DOK6: variants seen among roughly 807,000 people sequenced by gnomAD.
DOK6 encodes the protein docking protein 6.
DOK6 carries 22 observed loss-of-function variants against 44.0 expected under a neutral mutation model. That is an observed-to-expected ratio of 0.50 (90% confidence interval 0.36 to 0.71). The LOEUF (loss-of-function observed/expected upper bound fraction) is 0.71, where lower values mean the gene tolerates loss of function less well. Among genes scored for constraint, DOK6 ranks in the 30% least tolerant of loss-of-function variants. The pLI, the probability that DOK6 is intolerant of heterozygous loss-of-function variation, is 0.00. For synonymous variants in DOK6, 166 were observed against 145.5 expected (o/e 1.14, Z -1.01); for missense variants, 340 against 416.4 (o/e 0.82, Z 1.60).
intron 1 of DOK6, among the ~76,000 whole-genome samples, chr18:69,454,647 T>G (rs1979569508): frequency 8.5e-6 from 1 of 117,990 alleles, no homozygotes; most frequent in Non-Finnish European, 1.8e-5. Context: ...TAGCAAAGAC[T>G]TGGAACCAAC....
At chr18:69,816,473 A>C (rs896165589) in intron 7 of DOK6, among the ~76,000 whole-genome samples, 1 of 152,218 alleles carries the variant, frequency 6.6e-6, no homozygotes, top group African/African-American at 2.4e-5. Flanking sequence ...AAAACAGATT[A>C]GCAGTAAAGA....
chr18:69,705,974 A>T (rs1568339353), intron 5 of DOK6, among the ~76,000 whole-genome samples: 1 of 152,152 alleles, frequency 6.6e-6, no homozygotes, highest in Non-Finnish European at 1.5e-5. Flanking sequence ...CAGAGGGAGA[A>T]TACCACCCTT....
At chr18:69,493,767 T>G (rs1980804721) in intron 1 of DOK6, among the ~76,000 whole-genome samples, 1 of 152,228 alleles carries the variant, frequency 6.6e-6, no homozygotes, top group African/African-American at 2.4e-5. Flanking sequence ...GGAAATAAAT[T>G]TTTGTGGCTT....
At chr18:69,403,980 T>G (rs1916150393) in intron 1 of DOK6, among the ~76,000 whole-genome samples, 1 of 152,220 alleles carries the variant, frequency 6.6e-6, no homozygotes, top group East Asian at 1.9e-4. Flanking sequence ...TGTCCAAAAC[T>G]AAATTTCAAA....
At chr18:69,745,658 A>G (rs10871655) in intron 6 of DOK6, among the ~76,000 whole-genome samples, 106,872 of 152,040 alleles carry the variant, frequency 0.7, 39,560 homozygotes, top group East Asian at 0.85. Context: ...CAGGGAGACT[A>G]CAACAGAGCT....
intron 1 of DOK6, among the ~76,000 whole-genome samples, chr18:69,476,682 C>G (rs891286869): frequency 6.6e-6 from 1 of 152,204 alleles, no homozygotes; most frequent in African/African-American, 2.4e-5. Flanking sequence ...GGCCACCCAT[C>G]AGGAACTGGG....
intron 5 of DOK6, among the ~76,000 whole-genome samples, chr18:69,703,969 A>T (rs1022273866): frequency 2.0e-5 from 3 of 152,200 alleles, no homozygotes; most frequent in African/African-American, 4.8e-5. Flanking sequence ...CTTCTCTGCC[A>T]TGCGGAGGAA....
chr18:69,757,927 A>G, intron 7 of DOK6, 54 bp downstream of exon 7: 1 of 1,464,380 alleles, frequency 6.8e-7, no homozygotes, highest in Non-Finnish European at 9.6e-7. Context: ...CTCCAGGTGG[A>G]CTGAGTCATG....
chr18:69,788,993 T>C (rs1980514529), intron 7 of DOK6, among the ~76,000 whole-genome samples: 1 of 152,176 alleles, frequency 6.6e-6, no homozygotes, highest in African/African-American at 2.4e-5. Flanking sequence ...CAATAAACAG[T>C]TCCTTAAAAC....
chr18:69,444,552 T>C (rs1979225009), intron 1 of DOK6, among the ~76,000 whole-genome samples: 1 of 152,164 alleles, frequency 6.6e-6, no homozygotes, highest in Non-Finnish European at 1.5e-5. Context: ...TATTGCTGTC[T>C]CCTTAGTGCC....
At chr18:69,646,788 C>T (rs1303737631) in intron 3 of DOK6, among the ~76,000 whole-genome samples, 2 of 152,140 alleles carry the variant, frequency 1.3e-5, no homozygotes, top group African/African-American at 4.8e-5. Flanking sequence ...CAAGACTCTT[C>T]CTTTTGATTC....
intron 3 of DOK6, among the ~76,000 whole-genome samples, chr18:69,648,357 C>T (rs4419151): frequency 0.12 from 17,741 of 152,118 alleles, 1,144 homozygotes; most frequent in Admixed American, 0.18. Context: ...CATTTTCTAA[C>T]CTGTACACCA....
At chr18:69,668,185 A>G (rs1015566997) in intron 3 of DOK6, among the ~76,000 whole-genome samples, 1 of 151,974 alleles carries the variant, frequency 6.6e-6, no homozygotes, top group Non-Finnish European at 1.5e-5. Context: ...CATCGCCACC[A>G]TTCCCCACTC....
At chr18:69,586,845 C>T (rs1983513346) in intron 2 of DOK6, among the ~76,000 whole-genome samples, 1 of 152,166 alleles carries the variant, frequency 6.6e-6, no homozygotes, top group Non-Finnish European at 1.5e-5. Flanking sequence ...ACAGGCTGCC[C>T]ATCAATCACC....
chr18:69,590,156 GTAAA>G (rs573018125), intron 2 of DOK6, among the ~76,000 whole-genome samples: 78 of 152,052 alleles, frequency 5.1e-4, no homozygotes, highest in Non-Finnish European at 8.8e-4. Flanking sequence ...AAATGAATAA[GTAAA>G]TAAATCCTAT....
chr18:69,563,905 T>A (rs1982904824), intron 1 of DOK6, among the ~76,000 whole-genome samples: 1 of 152,194 alleles, frequency 6.6e-6, no homozygotes, highest in Non-Finnish European at 1.5e-5. Flanking sequence ...CATTTCACTA[T>A]GAGTATTAAA....
chr18:69,835,961 A>G (rs1215038547), intron 7 of DOK6, among the ~76,000 whole-genome samples: 1 of 152,208 alleles, frequency 6.6e-6, no homozygotes, highest in African/African-American at 2.4e-5. Context: ...CCTTCATAGT[A>G]TATATCAAGA....
At chr18:69,470,855 C>G (rs1414530068) in intron 1 of DOK6, among the ~76,000 whole-genome samples, 1 of 152,178 alleles carries the variant, frequency 6.6e-6, no homozygotes, top group Non-Finnish European at 1.5e-5. Flanking sequence ...ATAAAGCAGT[C>G]AGGTCCTGTT....
intron 2 of DOK6, among the ~76,000 whole-genome samples, chr18:69,575,263 T>C (rs954185826): frequency 7.2e-5 from 11 of 152,106 alleles, no homozygotes; most frequent in African/African-American, 2.7e-4. Context: ...TTTTCACTGG[T>C]AAAGAAAAAT....
Sources: allele counts gnomAD v4.1 joint callset (sites outside exome capture counted in the v4.1 genomes callset), GRCh38; gene constraint gnomAD v4.1.1; transcripts MANE v1.5; gene names NCBI Gene and HGNC (gene_info 2026-07-23, HGNC 2026-07-21).